POLDIP3: variants seen among roughly 807,000 people sequenced by gnomAD.
The protein encoded by POLDIP3 is DNA polymerase delta interacting protein 3.
In POLDIP3, 14 loss-of-function variants were observed where a neutral mutation model predicts 45.1. The observed-to-expected ratio is 0.31, with a 90% CI of 0.20 to 0.49. The LOEUF is 0.49. Among genes scored for constraint, POLDIP3 ranks in the 20% least tolerant of loss-of-function variants. The pLI is 0.99. For synonymous variants in POLDIP3, 223 were observed against 205.2 expected, an observed-to-expected ratio of 1.09 and a Z score of -0.74; for missense variants, 511 against 538.8, an observed-to-expected ratio of 0.95 and a Z score of 0.51.
At chr22:42,606,076 A>C (rs6002813) in intron 1 of POLDIP3, among the ~76,000 whole-genome samples, 6,382 of 152,210 alleles carry the variant, frequency 0.042, 450 homozygotes, top group African/African-American at 0.15. Flanking sequence ...CAGGAGATGG[A>C]GGTTACAGCA....
chr22:42,586,481 C>T (rs1398421924), intron 8 of POLDIP3, among the ~76,000 whole-genome samples: 1 of 152,126 alleles, frequency 6.6e-6, no homozygotes, highest in Non-Finnish European at 1.5e-5. Flanking sequence ...GTGCATGCCA[C>T]CACACCTGGC....
At chr22:42,601,934 C>A in intron 3 of POLDIP3, 36 bp downstream of exon 3, 1 of 1,606,256 alleles carries the variant, frequency 6.2e-7, no homozygotes. Context: ...TATGTACACA[C>A]AGATTCTCTC....
chr22:42,613,388 G>T (rs1313853743), intron 1 of POLDIP3, among the ~76,000 whole-genome samples: 2 of 152,222 alleles, frequency 1.3e-5, no homozygotes, highest in African/African-American at 4.8e-5. Context: ...AAGTGTCCAG[G>T]ATGGGGAAGG....
chr22:42,614,735 TCCCCCG>T, intron 1 of POLDIP3, 58 bp downstream of exon 1: 1 of 1,563,118 alleles, frequency 6.4e-7, no homozygotes. Context: ...GATCGCTACC[TCCCCCG>T]CCTCGAGCTC....
At position 42,583,726 on chromosome 22, in the gene POLDIP3, A is replaced by G. The variant is rs1925110644; in HGVS notation, c.*2065T>C. On this transcript the variant is annotated 3_prime_UTR_variant, in exon 9 of 9. Transcript: ENST00000252115. ...AAAAAAAGATAACTCAAAGGTAGGA[A>G]TAACAAATGTTTATTCAGAAATGGA... is the stretch of plus-strand genomic sequence containing the variant. 3.3e-5 allele frequency: 5 copies of G among 152,684 alleles called. No individual in the cohort carries two copies. The highest frequency in any genetic ancestry group is 2.6e-4 in the Admixed American group (4 of 15,256). The allele number at this position is 152,684 out of a possible 1,614,324, so 9.5% of individuals were successfully genotyped here.
chr22:42,593,635 T>C (rs1601887651), intron 6 of POLDIP3, among the ~76,000 whole-genome samples: 1 of 152,146 alleles, frequency 6.6e-6, no homozygotes. Context: ...TCTCCTGCCT[T>C]AGCCTCCTGA....
intron 1 of POLDIP3, among the ~76,000 whole-genome samples, chr22:42,611,591 A>G (rs137110): frequency 6.6e-6 from 1 of 152,168 alleles, no homozygotes; most frequent in Non-Finnish European, 1.5e-5. Context: ...TCTTCTAGGC[A>G]GTATGTAAAA....
chr22:42,604,878 T>C (rs1369728972), intron 1 of POLDIP3, among the ~76,000 whole-genome samples: 1 of 152,220 alleles, frequency 6.6e-6, no homozygotes, highest in Admixed American at 6.5e-5. Context: ...TGCAATGTGA[T>C]GGTGGTAGAA....
At chr22:42,588,374 G>C (rs1324611396) in intron 7 of POLDIP3, among the ~76,000 whole-genome samples, 1 of 149,942 alleles carries the variant, frequency 6.7e-6, no homozygotes, top group Non-Finnish European at 1.5e-5. Flanking sequence ...AGAATGGCGT[G>C]AACCTGGGAG....
At position 42,584,924 on chromosome 22, in the gene POLDIP3, C is replaced by T; in HGVS notation, c.*867G>A. On this transcript the variant is annotated 3_prime_UTR_variant, in exon 9 of 9. Coordinates refer to ENST00000252115, the MANE Select transcript of POLDIP3 (RefSeq NM_032311.5). ...AACCCAAGCACTGCACAATGGGAGG[C>T]TGAGCCTTTCAAAGGCCCAACCAGA... 1 of 456,314 alleles carries T rather than the reference C, an allele frequency of 2.2e-6. No homozygotes were observed. The highest frequency in any genetic ancestry group is 2.3e-5 in the Admixed American group (1 of 42,590). 28.3% of individuals were successfully genotyped at this position (456,314 alleles called of 1,614,324 possible).
At chr22:42,607,441 G>A (rs1256744777) in intron 1 of POLDIP3, among the ~76,000 whole-genome samples, 1 of 152,240 alleles carries the variant, frequency 6.6e-6, no homozygotes, top group African/African-American at 2.4e-5. Context: ...ATGCAGTGGA[G>A]TGATCTCGGC....
chr22:42,586,680 CT>C (rs1385592826), intron 8 of POLDIP3, among the ~76,000 whole-genome samples: 8 of 152,180 alleles, frequency 5.3e-5, no homozygotes, highest in Non-Finnish European at 1.2e-4. Context: ...AGTTTAAGAA[CT>C]TATCCAAATC....
chr22:42,605,011 G>A (rs1022021674), intron 1 of POLDIP3, among the ~76,000 whole-genome samples: 6 of 152,192 alleles, frequency 3.9e-5, no homozygotes, highest in Non-Finnish European at 7.3e-5. Flanking sequence ...TCAGGACTCA[G>A]CAAAAAGACC....
intron 8 of POLDIP3, among the ~76,000 whole-genome samples, chr22:42,586,877 C>T (rs978433302): frequency 6.6e-6 from 1 of 152,156 alleles, no homozygotes; most frequent in African/African-American, 2.4e-5. Flanking sequence ...CAAAACATCC[C>T]TCAGTCCTGG....
Position 42,614,616 on chromosome 22 carries a change from C to T in POLDIP3, c.59+183G>A, listed in dbSNP as rs532319264. Among the ~76,000 whole-genome samples the T allele has an allele frequency of 3.3e-5, 5 of 152,118 alleles. No individual in the cohort carries two copies. The East Asian group carries it at 9.6e-4, about 29-fold the overall frequency. ...CAGGGCCGCCAGAGGGACTGCGCCTCGGCCAGTGGGCGGGCGGTCGGGGCC... is the reference window on the plus strand; with the variant it reads ...CAGGGCCGCCAGAGGGACTGCGCCTTGGCCAGTGGGCGGGCGGTCGGGGCC... On this transcript the variant is annotated intron_variant, in intron 1 of 8. Transcript: ENST00000252115.
At position 42,607,877 on chromosome 22, in the gene POLDIP3, G is replaced by A. The variant is rs1218337179; in HGVS notation, c.60-4717C>T. 4.0e-5 allele frequency among the ~76,000 whole-genome samples: 6 copies of A among 149,544 alleles called. No individual in the cohort carries two copies. The East Asian group carries it at 8.0e-4, about 20-fold the overall frequency. On this transcript the variant is annotated intron_variant, in intron 1 of 8. Transcript: ENST00000252115. ...TGAGGAGCCCCTCCGCCCAGCAGCCGCCCCGTCTGGGAAGTGAGGAGCGTC... is the reference window on the plus strand; with the variant it reads ...TGAGGAGCCCCTCCGCCCAGCAGCCACCCCGTCTGGGAAGTGAGGAGCGTC...
chr22:42,585,438 C>T lies in POLDIP3; in HGVS notation c.*353G>A, dbSNP rs942357605. 3.9e-5 allele frequency: 14 copies of T among 359,756 alleles called. No homozygotes were observed. Among genetic ancestry groups the T allele is most frequent in the East Asian group, 1.5e-4 (2 of 13,788 alleles). The allele number at this position is 359,756 out of a possible 1,614,324, so 22.3% of individuals were successfully genotyped here. On this transcript the variant is annotated 3_prime_UTR_variant, in exon 9 of 9. Coordinates refer to ENST00000252115, the MANE Select transcript of POLDIP3 (RefSeq NM_032311.5). Reference sequence around the variant, plus strand: ...AGCAGGGTCCTTCAGACAGCCCCCACGCTGCATCCCATGGGGCCACAAGAA... The same window carrying T: ...AGCAGGGTCCTTCAGACAGCCCCCATGCTGCATCCCATGGGGCCACAAGAA...
At chr22:42,609,897 C>T (rs62239743) in intron 1 of POLDIP3, among the ~76,000 whole-genome samples, 2 of 152,146 alleles carry the variant, frequency 1.3e-5, no homozygotes, top group African/African-American at 4.8e-5. Flanking sequence ...CCCTGCTGGG[C>T]GAGGTGGCTC....
chr22:42,612,692 GTC>G (rs1927199377), intron 1 of POLDIP3, among the ~76,000 whole-genome samples: 1 of 152,126 alleles, frequency 6.6e-6, no homozygotes, highest in Non-Finnish European at 1.5e-5. Context: ...CAGTCGTGGT[GTC>G]GGGCACCTGT....
Sources: gnomAD v4.1 joint callset for allele counts (sites outside exome capture counted in the v4.1 genomes callset) on GRCh38, gnomAD v4.1.1 for gene constraint, MANE v1.5 for transcripts, NCBI Gene and HGNC (gene_info 2026-07-23, HGNC 2026-07-21) for gene names.